Variants in H6PD observed in about 807,000 individuals in gnomAD.
H6PD encodes hexose-6-phosphate dehydrogenase/glucose 1-dehydrogenase, also known as GDH/6PGL endoplasmic bifunctional protein.
Under a neutral mutation model 61.2 loss-of-function variants are expected in H6PD, and 48 were observed. The ratio of observed to expected loss-of-function variants is 0.78; its 90% confidence interval spans 0.62 to 1.00. The LOEUF (loss-of-function observed/expected upper bound fraction) is 1.00. Ranked by LOEUF, H6PD falls within the 50% of genes least tolerant of loss-of-function variation. The pLI is 0.00. For missense variants in H6PD, 1,093 were observed against 1,065.0 expected (o/e 1.03, Z -0.37); for synonymous variants, 480 against 457.9 (o/e 1.05, Z -0.62).
intron 3 of H6PD, among the ~76,000 whole-genome samples, chr1:9,256,634 C>T (rs1425570975): frequency 6.6e-6 from 1 of 152,022 alleles, no homozygotes; most frequent in Non-Finnish European, 1.5e-5. Flanking sequence ...GCTCAGCAGG[C>T]CTGAACTTAG....
chr1:9,242,526 C>A, intron 1 of H6PD: 2 of 980,094 alleles, frequency 2.0e-6, no homozygotes, highest in Non-Finnish European at 2.4e-6. Flanking sequence ...GGACCCACAA[C>A]AGGACTGGTC....
In H6PD at chr1:9,265,038, C is replaced by T. The variant is rs867189112; in HGVS notation, c.*169C>T. On this transcript the variant is annotated 3_prime_UTR_variant, in exon 5 of 5. Transcript: ENST00000377403. ...CAAGCCTTGTCCCGATGCCTTTGAC[C>T]GGCAGCTCTGTGTATTGGTGGATAG... 12 of 718,902 alleles carry T rather than the reference C, an allele frequency of 1.7e-5. No homozygotes were observed. Among genetic ancestry groups the T allele is most frequent in the African/African-American group, 8.7e-5 (5 of 57,366 alleles). 44.5% of individuals were successfully genotyped at this position (718,902 alleles called of 1,614,324 possible).
At position 9,259,052 on chromosome 1, in the gene H6PD, T is replaced by C. The variant is rs190140751; in HGVS notation, c.746-3007T>C. Among the ~76,000 whole-genome samples, 1,141 of 152,262 alleles carry C rather than the reference T, an allele frequency of 7.5e-3. 12 individuals are homozygous for C. Among genetic ancestry groups the C allele is most frequent in the African/African-American group, 0.026 (1,079 of 41,546 alleles). ...TGTCGCCCAGGCTGGAGTGTAGTGGTGCGATCTCAGCTCACTGCAAGCTCT... is the reference window on the plus strand; with the variant it reads ...TGTCGCCCAGGCTGGAGTGTAGTGGCGCGATCTCAGCTCACTGCAAGCTCT... On this transcript the variant is annotated intron_variant, in intron 3 of 4. Transcript: ENST00000377403.
Position 9,245,537 on chromosome 1 carries a change from G to A in H6PD, c.603G>A (p.Arg201=), listed in dbSNP as rs1347303380. Residue 201 remains arginine (R), a synonymous_variant, in exon 2 of 5, where the codon CGG becomes CGA. Coordinates refer to ENST00000377403, the MANE Select transcript of H6PD (RefSeq NM_004285.4). This position sits in a 1 kb window ranked among gnomAD's most constrained non-coding sequence, Gnocchi z 4.8. The part of the protein sequence containing the change: ...GTFFQEEEMY[R]VDHYLGKQAV... ...TTTTCCAGGAGGAGGAGATGTACCGGGTGGACCATTACTTAGGCAAGCAGG... is the reference window on the plus strand; with the variant it reads ...TTTTCCAGGAGGAGGAGATGTACCGAGTGGACCATTACTTAGGCAAGCAGG... The A allele has an allele frequency of 6.2e-7, 1 of 1,614,162 alleles. No homozygotes were observed. The highest frequency in any genetic ancestry group is 1.3e-5 in the African/African-American group (1 of 75,034).
chr1:9,258,541 T>G (rs1248350779), intron 3 of H6PD, among the ~76,000 whole-genome samples: 1 of 152,124 alleles, frequency 6.6e-6, no homozygotes, highest in Non-Finnish European at 1.5e-5. Context: ...GTTACACCAG[T>G]GTTGTTACAT....
At chr1:9,246,866 T>C (rs904300226) in intron 2 of H6PD, 100 bp from the exon 3 acceptor site, 16 of 842,062 alleles carry the variant, frequency 1.9e-5, no homozygotes, top group Non-Finnish European at 3.1e-5. Flanking sequence ...TCTTCTGCTC[T>C]GAGCAGGGAA....
chr1:9,255,537 C>T (rs1212265295), intron 3 of H6PD, among the ~76,000 whole-genome samples: 4 of 152,164 alleles, frequency 2.6e-5, no homozygotes, highest in Non-Finnish European at 5.9e-5. Flanking sequence ...CCACCTCAGC[C>T]TCCCAAAGTG....
intron 4 of H6PD, among the ~76,000 whole-genome samples, chr1:9,263,237 G>A (rs192571683): frequency 1.1e-4 from 16 of 152,278 alleles, no homozygotes; most frequent in South Asian, 1.0e-3. Flanking sequence ...CTCTCAGCCC[G>A]GTTCTCCTTT....
intron 1 of H6PD, chr1:9,239,872 C>G (rs2100307667): frequency 1.8e-6 from 1 of 543,858 alleles, no homozygotes. Flanking sequence ...GCTAGAGCTT[C>G]AGCACAGGCT....
At position 9,270,946 on chromosome 1, in the gene H6PD, G is replaced by GC. The variant is rs915955546; in HGVS notation, c.*6078dup. On this transcript the variant is annotated 3_prime_UTR_variant, in exon 5 of 5. Transcript: ENST00000377403. The stretch of plus-strand genomic sequence containing the variant: ...ATGATGAGGCACATTCAGAACAAAT[G>GC]CTTTTTTTTTTTTGAGACAGAGTCT... 4.7e-5 allele frequency: 5 copies of GC among 106,948 alleles called. No homozygotes were observed. The highest frequency in any genetic ancestry group is 2.9e-4 in the Admixed American group (3 of 10,416). 6.6% of individuals were successfully genotyped at this position (106,948 alleles called of 1,614,324 possible).
rs1227107155 is a variant in H6PD, at chr1:9,234,810, C to G, written c.-267C>G. ...GCGCAAGGCGGTGGAGGCCTGAGGC[C>G]TGAGGCCTGGGGCGGGGTGGCGGCC... On this transcript the variant is annotated 5_prime_UTR_variant, in exon 1 of 5. Coordinates refer to ENST00000377403, the MANE Select transcript of H6PD (RefSeq NM_004285.4). The G allele has an allele frequency of 2.7e-5, 4 of 147,312 alleles. No homozygotes were observed. The highest frequency in any genetic ancestry group is 9.8e-5 in the African/African-American group (4 of 40,832). The allele number at this position is 147,312 out of a possible 1,614,324, so 9.1% of individuals were successfully genotyped here.
rs200279587 is a variant in H6PD, at chr1:9,245,376, G to A, written c.442G>A (p.Ala148Thr). The A allele has an allele frequency of 1.4e-5, 22 of 1,614,138 alleles. No homozygotes were observed. The East Asian group carries it at 3.8e-4, about 28-fold the overall frequency. Residue 148 changes from alanine to threonine, a missense_variant, in exon 2 of 5, where the codon GCC (alanine) becomes ACC (threonine). Ala to Thr is a moderately conservative substitution (Grantham distance 58). Transcript: ENST00000377403. The surrounding 1 kb of genome is among the most constrained non-coding windows in gnomAD (Gnocchi z 4.8). The stretch of plus-strand genomic sequence containing the variant: ...CTTCTACTTCTCAGTGCCACCCTTC[G>A]CCTATGAAGACATTGCCCGCAACAT... ...RIFYFSVPPF[A>T]YEDIARNINS...
In H6PD at chr1:9,254,013, A is replaced by ATGTCAGT. The variant is rs1265884746; in HGVS notation, c.745+6933_745+6939dup. On this transcript the variant is annotated intron_variant, in intron 3 of 4. Transcript: ENST00000377403. This position sits in a 1 kb window ranked among gnomAD's most constrained non-coding sequence, Gnocchi z 4.6. Reference sequence around the variant, plus strand: ...TTGTTGCTTGTTCGTATGTGAGGTGATGTCAGTTGCTGGAGATCACAGGGC... The same window carrying ATGTCAGT: ...TTGTTGCTTGTTCGTATGTGAGGTGATGTCAGTTGTCAGTTGCTGGAGATCACAGGGC... 6.6e-6 allele frequency among the ~76,000 whole-genome samples: 1 copy of ATGTCAGT among 152,128 alleles called. No homozygotes were observed. Among genetic ancestry groups the ATGTCAGT allele is most frequent in the Non-Finnish European group, 1.5e-5 (1 of 68,026 alleles).
At chr1:9,240,934 C>G (rs534859298) in intron 1 of H6PD, among the ~76,000 whole-genome samples, 3 of 152,160 alleles carry the variant, frequency 2.0e-5, no homozygotes, top group East Asian at 1.9e-4. Context: ...GCTGGGGTCC[C>G]CCTGTCCCTG....
chr1:9,246,952 T>TCC lies in H6PD; in HGVS notation c.628-7_628-6dup. On this transcript the variant is annotated splice_polypyrimidine_tract_variant and intron_variant, in intron 2 of 4. Transcript: ENST00000377403. ...GAGTATCCTGCAGCACGCCCAGTCT[T>TCC]CCCCCCCCGACAGGCTGTGGCGCAG... is the stretch of plus-strand genomic sequence containing the variant. 3 of 1,556,802 alleles carry TCC rather than the reference T, an allele frequency of 1.9e-6. No individual in the cohort carries two copies. The highest frequency in any genetic ancestry group is 2.3e-5 in the East Asian group (1 of 44,042).
chr1:9,245,728 C>T lies in H6PD; in HGVS notation c.627+167C>T, dbSNP rs1376281688. On this transcript the variant is annotated intron_variant, in intron 2 of 4. Transcript: ENST00000377403. The surrounding 1 kb of genome is among the most constrained non-coding windows in gnomAD (Gnocchi z 4.8). ...AGGAGGCGAGCGGGTAAAGGAAAGA[C>T]AGCAGCAGGGCAGGACTGTTGGGTC... Among the ~76,000 whole-genome samples the T allele has an allele frequency of 2.0e-5, 3 of 152,190 alleles. No individual in the cohort carries two copies. Among genetic ancestry groups the T allele is most frequent in the African/African-American group, 7.2e-5 (3 of 41,464 alleles).
chr1:9,247,847 T>A (rs1641234470), intron 3 of H6PD, among the ~76,000 whole-genome samples: 1 of 146,142 alleles, frequency 6.8e-6, no homozygotes, highest in South Asian at 2.1e-4. Context: ...TAGCTGGCAT[T>A]CTGTGATGGT....
intron 3 of H6PD, among the ~76,000 whole-genome samples, chr1:9,257,446 T>C (rs762422444): frequency 6.6e-6 from 1 of 152,188 alleles, no homozygotes; most frequent in Non-Finnish European, 1.5e-5. Flanking sequence ...CTATATCCTA[T>C]TTTCAAGTTA....
At chr1:9,235,153 CCGGAGCCTGCGCTGCCAGCCCCA>C (rs777233088) in intron 1 of H6PD, 87 bp downstream of exon 1, 2 of 151,142 alleles carry the variant, frequency 1.3e-5, no homozygotes, top group Non-Finnish European at 3.0e-5. Context: ...GCGCCGAGCC[CCGGAGCCTGCGCTGCCAGCCCCA>C]CGGAGCCTGG....
Sources: allele counts gnomAD v4.1 joint callset (sites outside exome capture counted in the v4.1 genomes callset), GRCh38; gene constraint gnomAD v4.1.1; non-coding constraint Gnocchi (gnomAD v3.1); transcripts MANE v1.5; gene names NCBI Gene and HGNC (gene_info 2026-07-23, HGNC 2026-07-21).